The following DYNC2H1 variants were observed in gnomAD, a reference collection of about 807,000 sequenced individuals.
DYNC2H1 encodes cytoplasmic dynein 2 heavy chain 1.
Under a neutral mutation model 570.0 loss-of-function variants are expected in DYNC2H1, and 410 were observed. That is an observed-to-expected ratio of 0.72 (90% confidence interval 0.66 to 0.78). DYNC2H1 has a LOEUF of 0.78. DYNC2H1 is among the 30% of genes least tolerant of loss of function. DYNC2H1 has a pLI of 0.00. For missense variants in DYNC2H1, 4,865 were observed against 5,046.4 expected (o/e 0.96, Z 1.09); for synonymous variants, 1,688 against 1,677.6 (o/e 1.01, Z -0.15).
Position 103,152,011 on chromosome 11 carries a change from G to T in DYNC2H1, c.2947-125G>T, listed in dbSNP as rs988593743. ...AGAATATATAGGAATTTAACAAACT[G>T]TTTAAATGCAAAAATCTTAATTTAA... On this transcript the variant is annotated intron_variant, in intron 20 of 88. Transcript: ENST00000375735. 5 of 1,109,278 alleles carry T rather than the reference G, an allele frequency of 4.5e-6. No homozygotes were observed. In the African/African-American group the frequency reaches 8.0e-5, roughly 18 times the overall value. The allele number at this position is 1,109,278 out of a possible 1,614,324, so 68.7% of individuals were successfully genotyped here. A position where few individuals can be genotyped will look rare whatever the true frequency, so the allele number is the denominator to read the frequency against.
chr11:103,220,688 C>T lies in DYNC2H1; in HGVS notation c.9012C>T (p.Arg3004=). The T allele has an allele frequency of 1.2e-6, 2 of 1,612,732 alleles. No individual in the cohort carries two copies. The highest frequency in any genetic ancestry group is 1.7e-6 in the Non-Finnish European group (2 of 1,179,126). The stretch of plus-strand genomic sequence containing the variant: ...AGCCCGAATCACTTTCAGAAATTCG[C>T]TCACTACGCATGCCACCTGATGTAA... The part of the protein sequence containing the change: ...NIKPESLSEI[R]SLRMPPDVIR... Residue 3004 remains arginine (R), a synonymous_variant, in exon 57 of 89, where the codon CGC becomes CGT. Transcript: ENST00000375735.
chr11:103,288,684 T>TGAAAAAAAAA (rs1401919829), intron 75 of DYNC2H1, among the ~76,000 whole-genome samples: 4 of 27,904 alleles, frequency 1.4e-4, no homozygotes, highest in African/African-American at 4.8e-4. Context: ...CCGTCTCTAC[T>TGAAAAAAAAA]AAAAAAAAAA....
chr11:103,378,003 A>G (rs943235970), intron 83 of DYNC2H1, among the ~76,000 whole-genome samples: 5 of 152,200 alleles, frequency 3.3e-5, no homozygotes, highest in Non-Finnish European at 7.3e-5. Flanking sequence ...TCCCAAAGCA[A>G]TGGGATTACA....
chr11:103,359,269 G>A (rs917858733), intron 83 of DYNC2H1, among the ~76,000 whole-genome samples: 8 of 152,208 alleles, frequency 5.3e-5, no homozygotes, highest in Non-Finnish European at 1.2e-4. Context: ...TAATGAAGTT[G>A]CGAGGACAGC....
chr11:103,313,814 A>G (rs774789747), intron 79 of DYNC2H1, among the ~76,000 whole-genome samples: 1 of 152,202 alleles, frequency 6.6e-6, no homozygotes, highest in Non-Finnish European at 1.5e-5. Flanking sequence ...AAACAATAAT[A>G]GCATTGTGTT....
At chr11:103,174,517 G>A (rs1303052460) in intron 36 of DYNC2H1, among the ~76,000 whole-genome samples, 1 of 152,076 alleles carries the variant, frequency 6.6e-6, no homozygotes, top group Non-Finnish European at 1.5e-5. Context: ...ATCACCCAGT[G>A]GCTTGTTAAA....
chr11:103,390,073 A>T (rs141123559), intron 83 of DYNC2H1, among the ~76,000 whole-genome samples: 3,882 of 152,224 alleles, frequency 0.026, 64 homozygotes, highest in Non-Finnish European at 0.038. Context: ...TGTCTTGTGG[A>T]TCTGTCTAAT....
intron 43 of DYNC2H1, among the ~76,000 whole-genome samples, 191 bp downstream of exon 43, chr11:103,187,777 A>T (rs1302720962): frequency 1.3e-5 from 2 of 152,110 alleles, no homozygotes; most frequent in Non-Finnish European, 2.9e-5. Flanking sequence ...AGTTAGTATT[A>T]CGTCAGGATA....
chr11:103,445,970 T>A (rs3019072), intron 85 of DYNC2H1, among the ~76,000 whole-genome samples: 80,503 of 151,670 alleles, frequency 0.53, 21,967 homozygotes, highest in African/African-American at 0.66. Context: ...CAAAGTTTTG[T>A]CCTAAGCAGT....
chr11:103,190,960 CTT>C (rs10707668), intron 45 of DYNC2H1, among the ~76,000 whole-genome samples: 6,937 of 110,452 alleles, frequency 0.063, 217 homozygotes, highest in Non-Finnish European at 0.087. Context: ...GCTTTTTAGC[CTT>C]TTTTTTTTTT....
rs575131955 is a variant in DYNC2H1, at chr11:103,380,562, A to ATT, written c.12157-19094_12157-19093dup. 2.6e-3 allele frequency among the ~76,000 whole-genome samples: 398 copies of ATT among 151,556 alleles called. 4 individuals carry two copies. The highest frequency in any genetic ancestry group is 8.9e-3 in the African/African-American group (367 of 41,430). The stretch of plus-strand genomic sequence containing the variant: ...TTTTTTGGAGGTTACGTGATGAGGA[A>ATT]TTTTTTTTGTTTTTTTGAGATGGGG... On this transcript the variant is annotated intron_variant, in intron 83 of 88. Coordinates refer to ENST00000375735, the MANE Select transcript of DYNC2H1 (RefSeq NM_001377.3).
intron 84 of DYNC2H1, among the ~76,000 whole-genome samples, chr11:103,423,425 A>C (rs1338040366): frequency 6.6e-6 from 1 of 150,394 alleles, no homozygotes; most frequent in African/African-American, 2.4e-5. Context: ...AAAAAAAAAA[A>C]AAAAAAAAAA....
intron 72 of DYNC2H1, 120 bp downstream of exon 72, chr11:103,282,349 G>A (rs1866175782): frequency 2.4e-6 from 2 of 838,832 alleles, no homozygotes; most frequent in Non-Finnish European, 3.7e-6. Context: ...AATTTGATTA[G>A]AAGAATATAT....
chr11:103,323,567 C>T (rs745745070), intron 81 of DYNC2H1, among the ~76,000 whole-genome samples: 4 of 151,856 alleles, frequency 2.6e-5, no homozygotes, highest in Non-Finnish European at 5.9e-5. Context: ...AATTACAGAG[C>T]TATCCTAAAA....
chr11:103,311,767 C>T, intron 78 of DYNC2H1, 111 bp from the exon 79 acceptor site: 1 of 1,037,376 alleles, frequency 9.6e-7, no homozygotes, highest in Admixed American at 3.1e-5. Flanking sequence ...TAACTCAAAC[C>T]CGGTAAGCAG....
chr11:103,339,858 T>C (rs1385376831), intron 82 of DYNC2H1, among the ~76,000 whole-genome samples: 2 of 152,210 alleles, frequency 1.3e-5, no homozygotes, highest in African/African-American at 4.8e-5. Context: ...ATGGATGCTT[T>C]CCCTCTGCCC....
In DYNC2H1 at chr11:103,165,915, G is replaced by A. The variant is rs770719054; in HGVS notation, c.4629G>A (p.Glu1543=). Reference sequence around the variant, plus strand: ...TTCAATAGATTTTATGCTTGGCGGAGCAGATTAAATTCACTGAAGATGTAG... The same window carrying A: ...TTCAATAGATTTTATGCTTGGCGGAACAGATTAAATTCACTGAAGATGTAG... ...LFPSQILCLA[E]QIKFTEDVEN... is the part of the protein sequence containing the mutation. Residue 1543 remains glutamate (E), a synonymous_variant, in exon 31 of 89, where the codon GAG becomes GAA. Transcript: ENST00000375735. 8.0e-6 allele frequency: 12 copies of A among 1,502,794 alleles called. No individual in the cohort carries two copies. The highest frequency in any genetic ancestry group is 9.8e-6 in the Non-Finnish European group (11 of 1,126,372). The allele number at this position is 1,502,794 out of a possible 1,614,324, so 93.1% of individuals were successfully genotyped here.
intron 85 of DYNC2H1, among the ~76,000 whole-genome samples, chr11:103,438,230 T>C (rs1039674422): frequency 6.6e-6 from 1 of 152,026 alleles, no homozygotes; most frequent in African/African-American, 2.4e-5. Context: ...ATTATAAATA[T>C]ATATAGATAT....
intron 83 of DYNC2H1, among the ~76,000 whole-genome samples, chr11:103,383,046 G>A (rs552916087): frequency 4.1e-4 from 63 of 152,250 alleles, no homozygotes; most frequent in African/African-American, 1.4e-3. Flanking sequence ...AAGACCCCTC[G>A]GAGCCAGACT....
Sources: gnomAD v4.1 joint callset for allele counts (sites outside exome capture counted in the v4.1 genomes callset) on GRCh38, gnomAD v4.1.1 for gene constraint, MANE v1.5 for transcripts, NCBI Gene and HGNC (gene_info 2026-07-23, HGNC 2026-07-21) for gene names.